Variants in CDH4 observed in about 807,000 individuals in gnomAD.
CDH4 encodes the protein cadherin-4.
Under a neutral mutation model 86.0 loss-of-function variants are expected in CDH4, and 33 were observed. The ratio of observed to expected loss-of-function variants is 0.38; its 90% confidence interval spans 0.29 to 0.51. CDH4 has a LOEUF of 0.51. Among genes scored for constraint, CDH4 ranks in the 20% least tolerant of loss-of-function variants. The probability of loss-of-function intolerance (pLI) is 0.86; values close to 1 mark genes in which losing one functional copy is unlikely to be tolerated. For synonymous variants in CDH4, 555 were observed against 549.4 expected (o/e 1.01, Z -0.14); for missense variants, 1,114 against 1,307.4 (o/e 0.85, Z 2.28).
rs559622709 is a variant in CDH4, at chr20:61,582,394, T to C, written c.170-161169T>C. 6.6e-6 allele frequency among the ~76,000 whole-genome samples: 1 copy of C among 152,182 alleles called. No homozygotes were observed. The highest frequency in any genetic ancestry group is 1.5e-5 in the Non-Finnish European group (1 of 68,012). ...GAGCCCTGGGGCTTTCCCAGGGCCA[T>C]CCCCCTGCCTGGGGCCCTGTCCGCA... On this transcript the variant is annotated intron_variant, in intron 2 of 15. Transcript: ENST00000614565. The surrounding 1 kb of genome is among the most constrained non-coding windows in gnomAD (Gnocchi z 4.2).
chr20:61,681,255 A>G lies in CDH4; in HGVS notation c.170-62308A>G, dbSNP rs915981116. Among the ~76,000 whole-genome samples, 1 of 152,220 alleles carries G rather than the reference A, an allele frequency of 6.6e-6. No homozygotes were observed. On this transcript the variant is annotated intron_variant, in intron 2 of 15. Transcript: ENST00000614565. The surrounding 1 kb of genome is among the most constrained non-coding windows in gnomAD (Gnocchi z 4.5). ...TTGCTGTGAATTACCTACAAATTGT[A>G]TACAGTGCTTTAGGACTAAGTAGCT...
intron 2 of CDH4, among the ~76,000 whole-genome samples, chr20:61,375,359 A>AT (rs2084861177): frequency 1.3e-5 from 2 of 151,876 alleles, no homozygotes; most frequent in South Asian, 4.2e-4. Flanking sequence ...TGTGGTGGCC[A>AT]TGCTGATTGT....
chr20:61,820,183 C>G (rs779593143), intron 4 of CDH4, among the ~76,000 whole-genome samples: 4 of 152,252 alleles, frequency 2.6e-5, no homozygotes, highest in Non-Finnish European at 5.9e-5. Context: ...CCAAGACCGC[C>G]TTCCACCTAC....
At chr20:61,641,180 A>G (rs1439676521) in intron 2 of CDH4, among the ~76,000 whole-genome samples, 1 of 152,196 alleles carries the variant, frequency 6.6e-6, no homozygotes, top group Non-Finnish European at 1.5e-5. Flanking sequence ...AGCCTGGCAC[A>G]GGGTCTGGGG....
At chr20:61,844,592 G>A (rs966368562) in intron 4 of CDH4, 76 bp from the exon 5 acceptor site, 8 of 1,404,772 alleles carry the variant, frequency 5.7e-6, no homozygotes, top group Middle Eastern at 1.8e-4. Context: ...CATGAGAGGG[G>A]ATGAATGTCA....
At chr20:61,482,496 G>A (rs532763127) in intron 2 of CDH4, among the ~76,000 whole-genome samples, 1 of 152,290 alleles carries the variant, frequency 6.6e-6, no homozygotes, top group African/African-American at 2.4e-5. Flanking sequence ...GCCTGGACGC[G>A]CCTGTGCAGC....
At chr20:61,710,837 A>G (rs1460925548) in intron 2 of CDH4, among the ~76,000 whole-genome samples, 4 of 152,200 alleles carry the variant, frequency 2.6e-5, no homozygotes, top group African/African-American at 9.6e-5. Flanking sequence ...CCGAGAGACC[A>G]TGCAGTCCTG....
At chr20:61,697,897 C>G (rs1366285773) in intron 2 of CDH4, among the ~76,000 whole-genome samples, 1 of 152,236 alleles carries the variant, frequency 6.6e-6, no homozygotes, top group Non-Finnish European at 1.5e-5. Flanking sequence ...CTCAACCCTC[C>G]CATCTGTTTC....
At chr20:61,395,374 C>A (rs1296536197) in intron 2 of CDH4, among the ~76,000 whole-genome samples, 1 of 152,042 alleles carries the variant, frequency 6.6e-6, no homozygotes, top group Non-Finnish European at 1.5e-5. Flanking sequence ...GCAGAAGAAC[C>A]TTTTTGCTCA....
At chr20:61,667,683 C>T (rs766163592) in intron 2 of CDH4, among the ~76,000 whole-genome samples, 23 of 152,168 alleles carry the variant, frequency 1.5e-4, no homozygotes, top group Admixed American at 5.9e-4. Context: ...CATGCACACT[C>T]ATGCCCTGGG....
chr20:61,397,802 A>G (rs146144728), intron 2 of CDH4, among the ~76,000 whole-genome samples: 2 of 152,322 alleles, frequency 1.3e-5, no homozygotes, highest in African/African-American at 4.8e-5. Flanking sequence ...GAGTGAATGG[A>G]CACATGGATT....
intron 2 of CDH4, among the ~76,000 whole-genome samples, chr20:61,287,632 C>T (rs1161472335): frequency 1.3e-5 from 2 of 152,136 alleles, no homozygotes; most frequent in African/African-American, 4.8e-5. Context: ...TGGACCGTCA[C>T]GGGCATGCAT....
rs1289690346 is a variant in CDH4 at position 61,377,401 on chromosome 20, C to T, written c.169+122464C>T. Among the ~76,000 whole-genome samples the T allele has an allele frequency of 2.0e-5, 3 of 152,106 alleles. No homozygotes were observed. The highest frequency in any genetic ancestry group is 4.8e-5 in the African/African-American group (2 of 41,422). The stretch of plus-strand genomic sequence containing the variant: ...GTGTGGTCCAGGGCTCTGCCGGCCC[C>T]GCCTCCTGGTTGCCCCATTTCCTTC... On this transcript the variant is annotated intron_variant, in intron 2 of 15. Transcript: ENST00000614565. This position sits in a 1 kb window ranked among gnomAD's most constrained non-coding sequence, Gnocchi z 4.0.
chr20:61,479,687 T>C (rs978422029), intron 2 of CDH4, among the ~76,000 whole-genome samples: 2 of 152,192 alleles, frequency 1.3e-5, no homozygotes, highest in Admixed American at 6.5e-5. Context: ...GTTTTCTTCA[T>C]GTTTTATTTG....
intron 2 of CDH4, among the ~76,000 whole-genome samples, chr20:61,660,308 C>G (rs896612604): frequency 6.6e-6 from 1 of 152,232 alleles, no homozygotes; most frequent in Non-Finnish European, 1.5e-5. Flanking sequence ...GGCATCTGTT[C>G]TCTTCTTATC....
At chr20:61,766,896 G>T (rs566412688) in intron 3 of CDH4, among the ~76,000 whole-genome samples, 1 of 152,178 alleles carries the variant, frequency 6.6e-6, no homozygotes, top group African/African-American at 2.4e-5. Flanking sequence ...GATTGTGTGC[G>T]ACTTGGTGCC....
chr20:61,615,846 G>A lies in CDH4; in HGVS notation c.170-127717G>A, dbSNP rs193157170. On this transcript the variant is annotated intron_variant, in intron 2 of 15. Coordinates refer to ENST00000614565, the MANE Select transcript of CDH4 (RefSeq NM_001794.5). ...GAGCTGGGAATAGAACAGAATATCA[G>A]GTTGTGGAAGTTTCTCTGCCATTAT... Among the ~76,000 whole-genome samples the A allele has an allele frequency of 1.3e-3, 195 of 152,364 alleles. 1 individual carries two copies. The highest frequency in any genetic ancestry group is 4.4e-3 in the African/African-American group (183 of 41,592).
chr20:61,611,929 G>A (rs1288306119), intron 2 of CDH4, among the ~76,000 whole-genome samples: 1 of 152,110 alleles, frequency 6.6e-6, no homozygotes, highest in Non-Finnish European at 1.5e-5. Flanking sequence ...TTCTTGTTGT[G>A]TGGGGGGATA....
At chr20:61,862,139 G>T (rs1195061287) in intron 6 of CDH4, among the ~76,000 whole-genome samples, 1 of 152,076 alleles carries the variant, frequency 6.6e-6, no homozygotes, top group Admixed American at 6.5e-5. Context: ...CAGATGTCTT[G>T]CCCTGGCCTC....
Sources: gnomAD v4.1 joint callset for allele counts (sites outside exome capture counted in the v4.1 genomes callset) on GRCh38, gnomAD v4.1.1 for gene constraint, Gnocchi (gnomAD v3.1) non-coding constraint, MANE v1.5 for transcripts, NCBI Gene and HGNC (gene_info 2026-07-23, HGNC 2026-07-21) for gene names.